The following PRH1 variants were observed in gnomAD, a reference collection of about 807,000 sequenced individuals.
PRH1 encodes the protein salivary acidic proline-rich phosphoprotein 1/2.
PRH1 carries 7 observed loss-of-function variants against 7.9 expected under a neutral mutation model. The observed-to-expected ratio is 0.89, with a 90% CI of 0.50 to 1.67. The LOEUF is 1.67. Among genes scored for constraint, PRH1 ranks in the 40% most tolerant of loss-of-function variants. The pLI, the probability that PRH1 is intolerant of heterozygous loss-of-function variation, is 0.00. For synonymous variants in PRH1, 45 were observed against 80.8 expected (o/e 0.56, Z 2.38); for missense variants, 109 against 223.6 (o/e 0.49, Z 3.27).
intron 2 of PRH1, among the ~76,000 whole-genome samples, chr12:10,970,882 T>C (rs11054117): frequency 0.24 from 37,008 of 152,150 alleles, 4,555 homozygotes; most frequent in Non-Finnish European, 0.25. Flanking sequence ...TTTTAACTTG[T>C]GTTTATAACT....
intron 1 of PRH1, among the ~76,000 whole-genome samples, chr12:11,162,957 A>G (rs1947459756): frequency 6.6e-6 from 1 of 152,224 alleles, no homozygotes; most frequent in Admixed American, 6.5e-5. Flanking sequence ...AGAAATGAGA[A>G]AGATTGCTAT....
intron 1 of PRH1, among the ~76,000 whole-genome samples, chr12:11,151,037 C>A (rs1165252086): frequency 6.6e-6 from 1 of 152,150 alleles, no homozygotes; most frequent in Non-Finnish European, 1.5e-5. Flanking sequence ...CATTCTGATA[C>A]TCTGCCTCTT....
At chr12:11,171,188 G>A (rs1429468058) in intron 1 of PRH1, 8 of 406,018 alleles carry the variant, frequency 2.0e-5, no homozygotes, top group African/African-American at 4.1e-5. Flanking sequence ...CGCCAGCGGC[G>A]CCCGGGGCTA....
chr12:11,067,490 T>C (rs1297273000), intron 1 of PRH1, among the ~76,000 whole-genome samples: 1 of 152,210 alleles, frequency 6.6e-6, no homozygotes, highest in Non-Finnish European at 1.5e-5. Context: ...AGTTTTGATG[T>C]TTCAAATTCA....
intron 1 of PRH1, among the ~76,000 whole-genome samples, chr12:11,080,951 T>C (rs1944479205): frequency 7.9e-6 from 1 of 126,962 alleles, no homozygotes; most frequent in East Asian, 2.0e-4. Context: ...AGATTTTCTA[T>C]TGGTCTTTTG....
chr12:10,922,915 G>A (rs1950070587), intron 2 of PRH1, among the ~76,000 whole-genome samples: 1 of 134,238 alleles, frequency 7.4e-6, no homozygotes, highest in African/African-American at 2.6e-5. Flanking sequence ...TGCAAGCTCC[G>A]CTTCCCGGGT....
In PRH1 at chr12:10,958,947, G is replaced by C. The variant is rs535584140; in HGVS notation, c.-59+14708C>G. 2.0e-5 allele frequency among the ~76,000 whole-genome samples: 3 copies of C among 152,152 alleles called. No individual in the cohort carries two copies. In the South Asian group the frequency reaches 6.2e-4, roughly 32 times the overall value. The stretch of plus-strand genomic sequence containing the variant: ...TTTGCGTTTTTACAGGTTCTCTCTG[G>C]CTGCCACCTTGAGAATACATCAGGA... On this transcript the variant is annotated intron_variant, in intron 2 of 3. Coordinates refer to the PRH1 transcript ENST00000539853.
intron 1 of PRH1, among the ~76,000 whole-genome samples, chr12:11,022,845 T>C (rs1233362273): frequency 2.2e-5 from 3 of 137,770 alleles, no homozygotes; most frequent in Non-Finnish European, 4.9e-5. Context: ...CTGTACTTTT[T>C]TATACTGAGG....
rs1462200907 is a variant in PRH1 at position 11,106,232 on chromosome 12, G to A, written n.124-59044C>T. Reference sequence around the variant, plus strand: ...TGGGATTACAGGCGTGAGCCACCGCGCCCGGCCATAACTTATTCTTAAGAA... The same window carrying A: ...TGGGATTACAGGCGTGAGCCACCGCACCCGGCCATAACTTATTCTTAAGAA... On this transcript the variant is annotated intron_variant and non_coding_transcript_variant, in intron 1 of 4. Transcript: ENST00000541977. Among the ~76,000 whole-genome samples the A allele has an allele frequency of 1.3e-4, 6 of 46,628 alleles. 2 individuals are homozygous for A. The highest frequency in any genetic ancestry group is 3.2e-4 in the East Asian group (1 of 3,152). 30.6% of individuals were successfully genotyped at this position (46,628 alleles called of 152,430 possible).
At chr12:11,049,488 A>G (rs781759297), upstream of PRH1, among the ~76,000 whole-genome samples, 2 of 115,342 alleles carry the variant, frequency 1.7e-5, no homozygotes, top group African/African-American at 2.8e-5. Context: ...AAACAGCTCA[A>G]ATTCACTCCT....
intron 1 of PRH1, among the ~76,000 whole-genome samples, chr12:11,164,862 C>G (rs1947524850): frequency 6.6e-6 from 1 of 151,978 alleles, no homozygotes; most frequent in Admixed American, 6.5e-5. Context: ...GATTAACTAC[C>G]ACAATCAAGA....
At chr12:10,987,849 A>G (rs1479081515) in intron 1 of PRH1, among the ~76,000 whole-genome samples, 6 of 152,116 alleles carry the variant, frequency 3.9e-5, no homozygotes, top group Non-Finnish European at 8.8e-5. Context: ...ACCCTATGAC[A>G]CATAATTTTG....
chr12:11,111,455 T>G (rs1473228327), intron 1 of PRH1, among the ~76,000 whole-genome samples: 6 of 152,152 alleles, frequency 3.9e-5, no homozygotes, highest in Non-Finnish European at 5.9e-5. Flanking sequence ...AAACAGTCTC[T>G]CATACCACAG....
chr12:11,166,238 A>C (rs1472117073), intron 1 of PRH1: 1 of 152,308 alleles, frequency 6.6e-6, no homozygotes, highest in Non-Finnish European at 1.5e-5. Flanking sequence ...TGATATCATC[A>C]GGTTAACTGC....
intron 1 of PRH1, among the ~76,000 whole-genome samples, chr12:11,152,843 C>T (rs1020046391): frequency 2.6e-5 from 4 of 152,124 alleles, no homozygotes; most frequent in Non-Finnish European, 4.4e-5. Flanking sequence ...TTTTGATGAT[C>T]ACCATGAGAA....
chr12:11,127,930 C>T (rs1716256390), intron 1 of PRH1, among the ~76,000 whole-genome samples: 1 of 151,788 alleles, frequency 6.6e-6, no homozygotes, highest in Admixed American at 6.6e-5. Context: ...CACGGTGAAA[C>T]CTCGTCTCTA....
chr12:10,946,514 T>C (rs908625840), intron 2 of PRH1, among the ~76,000 whole-genome samples: 16 of 152,166 alleles, frequency 1.1e-4, no homozygotes, highest in Non-Finnish European at 1.9e-4. Context: ...CTAATTGTGT[T>C]TATTTGGATC....
At chr12:11,148,172 T>G (rs1207996939) in intron 1 of PRH1, among the ~76,000 whole-genome samples, 2 of 140,892 alleles carry the variant, frequency 1.4e-5, no homozygotes, top group Non-Finnish European at 3.1e-5. Flanking sequence ...GCTTATCAGC[T>G]TAACGAGATT....
intron 1 of PRH1, among the ~76,000 whole-genome samples, chr12:11,059,205 C>A (rs1408030423): frequency 6.6e-6 from 1 of 152,168 alleles, no homozygotes; most frequent in Admixed American, 6.5e-5. Flanking sequence ...TGTGGTTTCC[C>A]CTTGTAGCCC....
Sources: gnomAD v4.1 joint callset for allele counts (sites outside exome capture counted in the v4.1 genomes callset) on GRCh38, gnomAD v4.1.1 for gene constraint, MANE v1.5 for transcripts, NCBI Gene and HGNC (gene_info 2026-07-23, HGNC 2026-07-21) for gene names.